CLIC5: variants seen among roughly 807,000 people sequenced by gnomAD.
CLIC5 encodes the protein chloride intracellular channel protein 5.
Under a neutral mutation model 24.7 loss-of-function variants are expected in CLIC5, and 20 were observed. The observed-to-expected ratio is 0.81, with a 90% CI of 0.57 to 1.18. CLIC5 has a LOEUF of 1.18. Ranked by LOEUF, CLIC5 falls within the 50% of genes most tolerant of loss-of-function variation. CLIC5 has a pLI of 0.00. For missense variants in CLIC5, 341 were observed against 326.1 expected, an observed-to-expected ratio of 1.05 and a Z score of -0.35; for synonymous variants, 159 against 135.6, an observed-to-expected ratio of 1.17 and a Z score of -1.20.
chr6:46,070,954 T>C (rs181601818), intron 1 of CLIC5, among the ~76,000 whole-genome samples: 1 of 152,238 alleles, frequency 6.6e-6, no homozygotes, highest in Admixed American at 6.5e-5. Context: ...TCGACAAAGC[T>C]GACAAAAACA....
chr6:46,005,111 C>G (rs1766503068), intron 1 of CLIC5, among the ~76,000 whole-genome samples: 1 of 152,204 alleles, frequency 6.6e-6, no homozygotes, highest in African/African-American at 2.4e-5. Flanking sequence ...AAACCTCTAT[C>G]TGTTGCCATG....
intron 2 of CLIC5, 103 bp from the exon 3 acceptor site, chr6:45,949,484 T>C (rs1764400498): frequency 4.6e-6 from 6 of 1,294,760 alleles, no homozygotes; most frequent in Admixed American, 2.1e-5. Flanking sequence ...CTATCCAACA[T>C]GCCTGTCAGG....
intron 3 of CLIC5, 34 bp from the exon 4 acceptor site, chr6:45,941,687 T>A: frequency 1.3e-6 from 2 of 1,501,414 alleles, no homozygotes; most frequent in Non-Finnish European, 1.9e-6. Context: ...TGTGAATCAG[T>A]AGACTTGGAG....
At chr6:45,946,618 C>T (rs1764297186) in intron 3 of CLIC5, among the ~76,000 whole-genome samples, 1 of 152,194 alleles carries the variant, frequency 6.6e-6, no homozygotes, top group South Asian at 2.1e-4. Context: ...GCTCCAGAGG[C>T]CTGACAACCT....
chr6:46,008,588 G>A (rs1286946110), intron 1 of CLIC5, among the ~76,000 whole-genome samples: 1 of 152,030 alleles, frequency 6.6e-6, no homozygotes, highest in East Asian at 1.9e-4. Context: ...GCACAGAGTA[G>A]GTGCTCTGTA....
intron 1 of CLIC5, among the ~76,000 whole-genome samples, chr6:46,073,551 C>G (rs1408692260): frequency 6.6e-6 from 1 of 152,324 alleles, no homozygotes; most frequent in East Asian, 1.9e-4. Flanking sequence ...TGGTTCTGTT[C>G]TAGCTGGTAG....
At chr6:46,000,239 T>C (rs1481177357) in intron 1 of CLIC5, among the ~76,000 whole-genome samples, 1 of 152,186 alleles carries the variant, frequency 6.6e-6, no homozygotes, top group South Asian at 2.1e-4. Context: ...TTTCAACTTG[T>C]ATGGAGGGGT....
At chr6:46,121,886 C>G in the CLIC5 span, among the ~76,000 whole-genome samples, 1 of 152,128 alleles carries the variant, frequency 6.6e-6, no homozygotes, top group Non-Finnish European at 1.5e-5. Flanking sequence ...GCTAACTATC[C>G]TAAATATATA....
intron 1 of CLIC5, among the ~76,000 whole-genome samples, chr6:46,045,145 G>A (rs1767919791): frequency 6.6e-6 from 1 of 152,094 alleles, no homozygotes; most frequent in Admixed American, 6.5e-5. Context: ...TTTCCACAAA[G>A]TTTGCCAGAG....
Position 46,006,355 on chromosome 6 carries a change from A to G in CLIC5, c.63+9125T>C, listed in dbSNP as rs951010140. On this transcript the variant is annotated intron_variant, in intron 1 of 5. Transcript: ENST00000339561. Reference sequence around the variant, plus strand: ...GAGACGGGGTTTCACCATATTGGCCAGGCTGGTCTCGAACTCTTGACCTCA... The same window carrying G: ...GAGACGGGGTTTCACCATATTGGCCGGGCTGGTCTCGAACTCTTGACCTCA... Among the ~76,000 whole-genome samples the G allele has an allele frequency of 2.0e-5, 3 of 149,318 alleles. 1 individual carries two copies. The South Asian group carries it at 6.3e-4, about 31-fold the overall frequency.
intron 1 of CLIC5, among the ~76,000 whole-genome samples, chr6:46,001,669 A>G (rs1766365232): frequency 6.6e-6 from 1 of 152,234 alleles, no homozygotes; most frequent in Admixed American, 6.5e-5. Context: ...GTGCATTTCA[A>G]GTACCTTGAC....
At chr6:45,994,338 C>T (rs1407783771) in intron 1 of CLIC5, among the ~76,000 whole-genome samples, 2 of 152,174 alleles carry the variant, frequency 1.3e-5, no homozygotes, top group African/African-American at 4.8e-5. Context: ...ATGTCTTTTG[C>T]AGGGACATGG....
intron 4 of CLIC5, among the ~76,000 whole-genome samples, chr6:45,933,461 C>G (rs3777568): frequency 0.24 from 36,442 of 152,170 alleles, 4,898 homozygotes; most frequent in East Asian, 0.4. Flanking sequence ...GAAAACATGG[C>G]CACTGCAGTT....
chr6:46,052,399 T>TC (rs1319027011), intron 1 of CLIC5, among the ~76,000 whole-genome samples: 2 of 152,198 alleles, frequency 1.3e-5, no homozygotes, highest in Non-Finnish European at 2.9e-5. Context: ...AAAGGAACAA[T>TC]CTTACAACAG....
chr6:46,097,682 C>T, the CLIC5 span, among the ~76,000 whole-genome samples: 4 of 152,266 alleles, frequency 2.6e-5, no homozygotes, highest in African/African-American at 9.6e-5. Context: ...CCATTCCAGG[C>T]CATACATGAT....
chr6:46,083,954 T>A (rs565316074), upstream of CLIC5, among the ~76,000 whole-genome samples: 4 of 152,336 alleles, frequency 2.6e-5, no homozygotes, highest in Non-Finnish European at 5.9e-5. Context: ...TGAATCTGGG[T>A]GCTCCTGTAT....
At chr6:45,958,457 T>C (rs1307593862) in intron 1 of CLIC5, among the ~76,000 whole-genome samples, 6,186 of 20,268 alleles carry the variant, frequency 0.31, 1,007 homozygotes, top group African/African-American at 0.46. Flanking sequence ...TATATATATA[T>C]ATATATATAT....
chr6:45,980,658 G>A (rs1765538587), intron 1 of CLIC5, among the ~76,000 whole-genome samples: 1 of 151,584 alleles, frequency 6.6e-6, no homozygotes, highest in South Asian at 2.1e-4. Flanking sequence ...ATAAAATGTT[G>A]TGAATAGAGC....
rs370123656 is a variant in CLIC5, at chr6:45,978,532, G to C, written c.64-23288C>G. On this transcript the variant is annotated intron_variant, in intron 1 of 5. Transcript: ENST00000339561. ...TAGCATGCATCAGAACCATTTGAAA[G>C]CCTTGTTAAAACACAGTAGGTCCAG... is the stretch of plus-strand genomic sequence containing the variant. Among the ~76,000 whole-genome samples the C allele has an allele frequency of 5.8e-4, 88 of 152,334 alleles. No individual in the cohort carries two copies. The South Asian group carries it at 0.017, about 29-fold the overall frequency.
Sources: allele counts gnomAD v4.1 joint callset (sites outside exome capture counted in the v4.1 genomes callset), GRCh38; gene constraint gnomAD v4.1.1; transcripts MANE v1.5; gene names NCBI Gene and HGNC (gene_info 2026-07-23, HGNC 2026-07-21).